ZNF236: variants seen among roughly 807,000 people sequenced by gnomAD.
ZNF236 encodes the protein zinc finger protein 236.
A neutral mutation model predicts 191.2 loss-of-function variants in ZNF236; 50 were observed. That is an observed-to-expected ratio of 0.26 (90% CI 0.21 to 0.33). ZNF236 has a LOEUF of 0.33. Among genes scored for constraint, ZNF236 ranks in the 10% least tolerant of loss-of-function variants. The probability of loss-of-function intolerance (pLI) is 1.00; values close to 1 mark genes in which losing one functional copy is unlikely to be tolerated. For synonymous variants in ZNF236, 907 were observed against 928.8 expected (o/e 0.98, Z 0.43); for missense variants, 1,754 against 2,374.5 (o/e 0.74, Z 5.43).
chr18:76,834,039 A>G (rs763422236), intron 1 of ZNF236, among the ~76,000 whole-genome samples: 7 of 152,114 alleles, frequency 4.6e-5, no homozygotes, highest in Non-Finnish European at 1.0e-4. Flanking sequence ...TAGTATATAT[A>G]AGACAACTGA....
chr18:76,873,917 C>T (rs1464991375), intron 5 of ZNF236, among the ~76,000 whole-genome samples: 3 of 151,036 alleles, frequency 2.0e-5, no homozygotes, highest in Non-Finnish European at 2.9e-5. Flanking sequence ...CGGGCAGAGC[C>T]GTGACCGGGC....
At position 76,915,781 on chromosome 18, in the gene ZNF236, G is replaced by A; in HGVS notation, c.3196G>A (p.Val1066Met). ...TTGTGAGGAGGGTTTCCGAACTACAGTGCATTGTAAAAAGCACATGAAGAG... is the reference window on the plus strand; with the variant it reads ...TTGTGAGGAGGGTTTCCGAACTACAATGCATTGTAAAAAGCACATGAAGAG... ...PFCEEGFRTT[V>M]HCKKHMKRHQ... Residue 1066 changes from valine (V) to methionine (M), a missense_variant, in exon 19 of 31, where the codon GTG becomes ATG. Val to Met is a conservative substitution (Grantham distance 21). Coordinates refer to ENST00000320610, the MANE Select transcript of ZNF236 (RefSeq NM_001306089.2). 6.2e-7 allele frequency: 1 copy of A among 1,614,200 alleles called. No homozygotes were observed. Among genetic ancestry groups the A allele is most frequent in the Non-Finnish European group, 8.5e-7 (1 of 1,180,040 alleles).
At position 76,969,791 on chromosome 18, in the gene ZNF236, A is replaced by AT. The variant is rs1968876757; in HGVS notation, c.*1459dup. 1 of 152,444 alleles carries AT rather than the reference A, an allele frequency of 6.6e-6. No individual in the cohort carries two copies. The highest frequency in any genetic ancestry group is 2.4e-5 in the African/African-American group (1 of 41,400). 9.4% of individuals were successfully genotyped at this position (152,444 alleles called of 1,614,324 possible). On this transcript the variant is annotated 3_prime_UTR_variant, in exon 31 of 31. Transcript: ENST00000320610. Reference sequence around the variant, plus strand: ...TGTTATTTTGAAAGGGCATCTTTTGATTTTTTTGTTGTTGTTGTTCACTTT... The same window carrying AT: ...TGTTATTTTGAAAGGGCATCTTTTGATTTTTTTTGTTGTTGTTGTTCACTTT...
chr18:76,960,128 A>C lies in ZNF236; in HGVS notation c.5242+312A>C, dbSNP rs1047876182. ...CTGCTGGAGCAAACAGGCGGCCCCC[A>C]GTGCCTGGGTCCCATGTCCTCAATG... is the stretch of plus-strand genomic sequence containing the variant. On this transcript the variant is annotated intron_variant, in intron 29 of 30. Coordinates refer to ENST00000320610, the MANE Select transcript of ZNF236 (RefSeq NM_001306089.2). The surrounding 1 kb of genome is among the most constrained non-coding windows in gnomAD (Gnocchi z 4.4). 1.3e-5 allele frequency among the ~76,000 whole-genome samples: 2 copies of C among 152,120 alleles called. No homozygotes were observed. Among genetic ancestry groups the C allele is most frequent in the Admixed American group, 6.5e-5 (1 of 15,270 alleles).
chr18:76,860,109 G>A (rs1976170085), intron 3 of ZNF236, among the ~76,000 whole-genome samples: 1 of 152,156 alleles, frequency 6.6e-6, no homozygotes, highest in Non-Finnish European at 1.5e-5. Flanking sequence ...AGGAGTCAGG[G>A]CCATGGGAAT....
chr18:76,906,773 A>G (rs541377428), intron 13 of ZNF236, among the ~76,000 whole-genome samples: 6 of 152,326 alleles, frequency 3.9e-5, no homozygotes, highest in East Asian at 1.9e-4. Context: ...TTGAGAGGAC[A>G]CTAAGCAGAT....
intron 28 of ZNF236, among the ~76,000 whole-genome samples, chr18:76,958,404 G>A (rs77248668): frequency 5.9e-5 from 9 of 152,248 alleles, no homozygotes; most frequent in Non-Finnish European, 1.0e-4. Context: ...TGTTCCCACC[G>A]CAGGAGATTT....
At chr18:76,942,336 T>C (rs1968151045) in intron 26 of ZNF236, among the ~76,000 whole-genome samples, 1 of 152,154 alleles carries the variant, frequency 6.6e-6, no homozygotes, top group Admixed American at 6.5e-5. Context: ...GAAACAGTAA[T>C]ATAAACATAG....
At chr18:76,848,851 G>A (rs1053074536) in intron 1 of ZNF236, among the ~76,000 whole-genome samples, 3 of 152,126 alleles carry the variant, frequency 2.0e-5, no homozygotes, top group Non-Finnish European at 4.4e-5. Flanking sequence ...TAGAGATGGG[G>A]TCTCACTGTG....
rs1967747942 is a variant in ZNF236, at chr18:76,927,927, G to A, written c.4415G>A (p.Gly1472Glu). 6.4e-7 allele frequency: 1 copy of A among 1,557,522 alleles called. No homozygotes were observed. Residue 1472 changes from glycine to glutamate, a missense_variant and splice_region_variant, in exon 25 of 31, where the codon GGG becomes GAG. Gly to Glu is a moderately conservative substitution (Grantham distance 98). Coordinates refer to ENST00000320610, the MANE Select transcript of ZNF236 (RefSeq NM_001306089.2). This position sits in a 1 kb window ranked among gnomAD's most constrained non-coding sequence, Gnocchi z 5.4. ...TGTTTTGCTTTGTAATGACAATCAGGGACCCAAGACCTCACTCAAGTGATG... is the reference window on the plus strand; with the variant it reads ...TGTTTTGCTTTGTAATGACAATCAGAGACCCAAGACCTCACTCAAGTGATG... ...QDSVLTTNSS[G>E]TQDLTQVMTS...
rs1968859793 is a variant in ZNF236 at position 76,969,219 on chromosome 18, C to T, written c.*880C>T. On this transcript the variant is annotated 3_prime_UTR_variant, in exon 31 of 31. Coordinates refer to ENST00000320610, the MANE Select transcript of ZNF236 (RefSeq NM_001306089.2). ...CTTAAGGCCACGAATCCGTAAAAAC[C>T]CCATGACTTTCTCTTCGTGCATAAA... 1 of 153,202 alleles carries T rather than the reference C, an allele frequency of 6.5e-6. No homozygotes were observed. The highest frequency in any genetic ancestry group is 1.5e-5 in the Non-Finnish European group (1 of 68,604). The allele number at this position is 153,202 out of a possible 1,614,324, so 9.5% of individuals were successfully genotyped here. A position where few individuals can be genotyped will look rare whatever the true frequency, so the allele number is the denominator to read the frequency against.
intron 9 of ZNF236, among the ~76,000 whole-genome samples, chr18:76,894,603 T>C (rs1434929908): frequency 6.6e-6 from 1 of 152,230 alleles, no homozygotes; most frequent in Non-Finnish European, 1.5e-5. Context: ...TTCTTAATTA[T>C]TTGCATTTAT....
At position 76,904,060 on chromosome 18, in the gene ZNF236, C is replaced by T. The variant is rs138035302; in HGVS notation, c.1895-320C>T. Among the ~76,000 whole-genome samples, 431 of 149,602 alleles carry T rather than the reference C, an allele frequency of 2.9e-3. 2 individuals are homozygous for T. Among genetic ancestry groups the T allele is most frequent in the African/African-American group, 1.0e-2 (405 of 40,534 alleles). On this transcript the variant is annotated intron_variant, in intron 11 of 30. Coordinates refer to ENST00000320610, the MANE Select transcript of ZNF236 (RefSeq NM_001306089.2). ...ATGTAGAAATTCATTAGAAATTGGC[C>T]GTGGAATCAAGGGAAGTAATTGTGA...
At chr18:76,913,507 A>C (rs1165281181) in intron 17 of ZNF236, among the ~76,000 whole-genome samples, 1 of 152,262 alleles carries the variant, frequency 6.6e-6, no homozygotes, top group Non-Finnish European at 1.5e-5. Context: ...TTTTTTAAGT[A>C]ATACATTTAA....
At chr18:76,884,362 T>C (rs1976987109) in intron 9 of ZNF236, among the ~76,000 whole-genome samples, 2 of 151,362 alleles carry the variant, frequency 1.3e-5, no homozygotes, top group Admixed American at 6.6e-5. Flanking sequence ...GATCATGCCA[T>C]TGGACTCCAG....
intron 16 of ZNF236, among the ~76,000 whole-genome samples, chr18:76,911,977 A>G (rs1281909399): frequency 6.6e-6 from 1 of 152,188 alleles, no homozygotes; most frequent in African/African-American, 2.4e-5. Flanking sequence ...TCTTATTAAG[A>G]TATATAAAAT....
chr18:76,912,827 A>G (rs1242006346), intron 17 of ZNF236, among the ~76,000 whole-genome samples: 2 of 152,162 alleles, frequency 1.3e-5, no homozygotes, highest in Non-Finnish European at 2.9e-5. Context: ...TAATTTTTGT[A>G]TTTTTAGTAG....
chr18:76,925,925 C>CGTCT lies in ZNF236; in HGVS notation c.4027+372_4027+375dup, dbSNP rs1967664450. On this transcript the variant is annotated intron_variant, in intron 22 of 30. Transcript: ENST00000320610. This position sits in a 1 kb window ranked among gnomAD's most constrained non-coding sequence, Gnocchi z 5.7. ...TAGTGCAGTTTTCCAGTTGTTCTTGCGTCTCATAGTGCTTGAGAAGTGTTA... is the reference window on the plus strand; with the variant it reads ...TAGTGCAGTTTTCCAGTTGTTCTTGCGTCTGTCTCATAGTGCTTGAGAAGTGTTA... Among the ~76,000 whole-genome samples, 1 of 152,162 alleles carries CGTCT rather than the reference C, an allele frequency of 6.6e-6. No individual in the cohort carries two copies. The highest frequency in any genetic ancestry group is 1.5e-5 in the Non-Finnish European group (1 of 68,038).
At position 76,875,564 on chromosome 18, in the gene ZNF236, T is replaced by C; in HGVS notation, c.740T>C (p.Ile247Thr). 6.2e-7 allele frequency: 1 copy of C among 1,605,196 alleles called. No individual in the cohort carries two copies. The highest frequency in any genetic ancestry group is 8.5e-7 in the Non-Finnish European group (1 of 1,175,280). ...NQKGALQTHM[I>T]KHTGEKPHAC... ...AAGGGGGCACTGCAGACCCACATGA[T>C]CAAGCACACAGGTGAAAAACCCCAT... Residue 247 changes from isoleucine (I) to threonine (T), a missense_variant, in exon 6 of 31, where the codon ATC becomes ACC. This residue lies in a region of ZNF236 where 336 missense variants were observed against 495.1 expected (regional missense o/e 0.68). Coordinates refer to ENST00000320610, the MANE Select transcript of ZNF236 (RefSeq NM_001306089.2). This position sits in a 1 kb window ranked among gnomAD's most constrained non-coding sequence, Gnocchi z 4.3.
Sources: allele counts gnomAD v4.1 joint callset (sites outside exome capture counted in the v4.1 genomes callset), GRCh38; gene constraint gnomAD v4.1.1; regional missense constraint gnomAD v4.1.1; non-coding constraint Gnocchi (gnomAD v3.1); transcripts MANE v1.5; gene names NCBI Gene and HGNC (gene_info 2026-07-23, HGNC 2026-07-21).